Variants in THG1L observed in about 807,000 individuals in gnomAD.
The protein encoded by THG1L is tRNA-histidine guanylyltransferase 1 like, also known as probable tRNA(His) guanylyltransferase.
THG1L carries 27 observed loss-of-function variants against 35.2 expected under a neutral mutation model. That is an observed-to-expected ratio of 0.77 (90% CI 0.57 to 1.06). THG1L has a LOEUF of 1.06. THG1L is among the 50% of genes least tolerant of loss of function. The pLI, the probability that THG1L is intolerant of heterozygous loss-of-function variation, is 0.00. For missense variants in THG1L, 377 were observed against 371.8 expected (o/e 1.01, Z -0.12); for synonymous variants, 135 against 132.4 (o/e 1.02, Z -0.14).
chr5:157,734,837 T>G, intron 3 of THG1L, 92 bp downstream of exon 3: 1 of 1,409,844 alleles, frequency 7.1e-7, no homozygotes, highest in East Asian at 2.4e-5. Context: ...ACATATACTT[T>G]GTTTCAACAT....
intron 2 of THG1L, among the ~76,000 whole-genome samples, chr5:157,733,567 G>A (rs1198415998): frequency 1.3e-5 from 2 of 151,974 alleles, no homozygotes; most frequent in African/African-American, 4.8e-5. Flanking sequence ...CTGGCCTCAA[G>A]CAGTTCTCCT....
At chr5:157,731,654 G>A (rs774395379) in intron 1 of THG1L, 23 bp downstream of exon 1, 8 of 1,576,188 alleles carry the variant, frequency 5.1e-6, no homozygotes, top group Middle Eastern at 1.8e-4. Flanking sequence ...GACTCGGGGC[G>A]TCGCGATGCG....
At position 157,731,445 on chromosome 5, in the gene THG1L, G is replaced by A. The variant is rs371761718; in HGVS notation, c.5G>A (p.Trp2Ter). 12 of 1,593,888 alleles carry A rather than the reference G, an allele frequency of 7.5e-6. No homozygotes were observed. In the African/African-American group the frequency reaches 1.6e-4, roughly 21 times the overall value. M[W>*]GACKVKVHDS... ...CCTTTCCTTTCCGCGTGTAGAATGT[G>A]GGGCGCCTGTAAAGTTAAGGTTCAC... Residue 2 changes from tryptophan (W) to a stop codon, truncating the protein, a stop_gained, in exon 1 of 6, where the codon TGG becomes TAG. Transcript: ENST00000231198. LOFTEE classifies it high-confidence loss of function.
intron 4 of THG1L, among the ~76,000 whole-genome samples, chr5:157,736,986 T>C (rs1760906514): frequency 6.6e-6 from 1 of 152,038 alleles, no homozygotes; most frequent in Admixed American, 6.5e-5. Flanking sequence ...TTTTTTGAGA[T>C]GGGTTCTTGC....
At position 157,740,309 on chromosome 5, in the gene THG1L, C is replaced by G. The variant is rs6892723; in HGVS notation, c.*827C>G. 53,787 of 152,096 alleles carry G rather than the reference C, an allele frequency of 0.35. 9,667 individuals carry two copies. The highest frequency in any genetic ancestry group is 0.54 in the East Asian group (2,809 of 5,168). 9.4% of individuals were successfully genotyped at this position (152,096 alleles called of 1,614,324 possible). On this transcript the variant is annotated 3_prime_UTR_variant, in exon 6 of 6. Coordinates refer to ENST00000231198, the MANE Select transcript of THG1L (RefSeq NM_017872.5). Reference sequence around the variant, plus strand: ...CTTTCCTATTAGACTTCTTGAAAAACATTCTCACATAGCCTCTATGTAATC... The same window carrying G: ...CTTTCCTATTAGACTTCTTGAAAAAGATTCTCACATAGCCTCTATGTAATC...
intron 3 of THG1L, 141 bp downstream of exon 3, chr5:157,734,886 ATTAG>A (rs1760831426): frequency 3.2e-6 from 3 of 943,894 alleles, no homozygotes; most frequent in Admixed American, 6.8e-5. Context: ...TATTTTTTCA[ATTAG>A]TTAAAAGTAT....
Position 157,739,353 on chromosome 5 carries a change from G to A in THG1L, c.768G>A (p.Leu256=). Residue 256 remains leucine (L), a synonymous_variant, in exon 6 of 6, where the codon CTG becomes CTA. Transcript: ENST00000231198. The part of the protein sequence containing the change: ...VDEVMTKEIK[L]PTEMEGKKMA... ...AAGTGATGACAAAAGAAATTAAGCT[G>A]CCAACAGAAATGGAAGGAAAAAAGA... The A allele has an allele frequency of 1.2e-6, 2 of 1,612,972 alleles. No individual in the cohort carries two copies. The highest frequency in any genetic ancestry group is 2.2e-5 in the East Asian group (1 of 44,784).
chr5:157,731,454 G>C lies in THG1L; in HGVS notation c.14G>C (p.Cys5Ser), dbSNP rs1428491069. Residue 5 changes from cysteine (C) to serine (S), a missense_variant, in exon 1 of 6, where the codon TGT becomes TCT. Physicochemically the swap from Cys to Ser is moderately radical, Grantham distance 112. Coordinates refer to ENST00000231198, the MANE Select transcript of THG1L (RefSeq NM_017872.5). ...TCCGCGTGTAGAATGTGGGGCGCCT[G>C]TAAAGTTAAGGTTCACGATTCCTTG... MWGACKVKVHDSLAT... is the reference protein window; with the variant it reads MWGASKVKVHDSLAT... 4 of 1,601,252 alleles carry C rather than the reference G, an allele frequency of 2.5e-6. No individual in the cohort carries two copies. Among genetic ancestry groups the C allele is most frequent in the Admixed American group, 1.7e-5 (1 of 58,838 alleles).
Position 157,733,064 on chromosome 5 carries a change from C to T in THG1L, c.368+20C>T. 5 of 1,608,932 alleles carry T rather than the reference C, an allele frequency of 3.1e-6. No individual in the cohort carries two copies. In the South Asian group the frequency reaches 4.4e-5, roughly 14 times the overall value. ...AGCCAGGTAATTCCATGACCTAACTCCTTTCTTCAGAATATTTCCTCCCAG... is the reference window on the plus strand; with the variant it reads ...AGCCAGGTAATTCCATGACCTAACTTCTTTCTTCAGAATATTTCCTCCCAG... On this transcript the variant is annotated intron_variant, in intron 2 of 5. Transcript: ENST00000231198.
At position 157,739,538 on chromosome 5, in the gene THG1L, G is replaced by T; in HGVS notation, c.*56G>T. 6.4e-7 allele frequency: 1 copy of T among 1,557,338 alleles called. No individual in the cohort carries two copies. Among genetic ancestry groups the T allele is most frequent in the Non-Finnish European group, 8.7e-7 (1 of 1,150,876 alleles). ...ACCATGCAAGCCCTCCCACCTCCCA[G>T]GGCTCCTTGCCTTAGGTGGCTGTAG... On this transcript the variant is annotated 3_prime_UTR_variant, in exon 6 of 6. Coordinates refer to ENST00000231198, the MANE Select transcript of THG1L (RefSeq NM_017872.5).
chr5:157,736,105 G>A (rs1760882021), intron 4 of THG1L, among the ~76,000 whole-genome samples, 171 bp downstream of exon 4: 1 of 152,160 alleles, frequency 6.6e-6, no homozygotes, highest in African/African-American at 2.4e-5. Context: ...TGCTTGGTCT[G>A]TAATCCTGGA....
At position 157,732,997 on chromosome 5, in the gene THG1L, C is replaced by T. The variant is rs1172028031; in HGVS notation, c.321C>T (p.Tyr107=). 2 of 1,614,064 alleles carry T rather than the reference C, an allele frequency of 1.2e-6. No homozygotes were observed. Among genetic ancestry groups the T allele is most frequent in the South Asian group, 2.2e-5 (2 of 91,080 alleles). The change falls in exon 2 of 6, where the codon TAC becomes TAT. Residue 107 remains tyrosine (Y), a synonymous_variant. Transcript: ENST00000231198. ...IVIAYGQSDE[Y]SFVFKRKTNW... ...TCGCGTATGGACAGAGTGATGAGTA[C>T]AGCTTTGTGTTCAAGCGGAAAACCA...
chr5:157,741,337 C>G lies in THG1L; in HGVS notation c.*1855C>G, dbSNP rs761530813. On this transcript the variant is annotated 3_prime_UTR_variant, in exon 6 of 6. Transcript: ENST00000231198. The stretch of plus-strand genomic sequence containing the variant: ...CCTCACTAATTGACAACCCATCTGT[C>G]GATGCCATTTTTTCCCTTCCTGTTC... The G allele has an allele frequency of 6.6e-6, 1 of 152,146 alleles. No homozygotes were observed. The highest frequency in any genetic ancestry group is 2.4e-5 in the African/African-American group (1 of 41,438). The allele number at this position is 152,146 out of a possible 1,614,324, so 9.4% of individuals were successfully genotyped here. A position where few individuals can be genotyped will look rare whatever the true frequency, so the allele number is the denominator to read the frequency against.
chr5:157,735,711 G>T, intron 3 of THG1L, 135 bp from the exon 4 acceptor site: 1 of 608,720 alleles, frequency 1.6e-6, no homozygotes. Context: ...GTAGGACTTC[G>T]GTCAAGTCAC....
rs539562605 is a variant in THG1L, at chr5:157,739,707, G to T, written c.*225G>T. On this transcript the variant is annotated 3_prime_UTR_variant, in exon 6 of 6. Transcript: ENST00000231198. ...TGCGGTGTTGGAACATGGTTCCTTT[G>T]GCAGAAGTGCTTTTTTTTTAATCGC... 63 of 398,912 alleles carry T rather than the reference G, an allele frequency of 1.6e-4. No individual in the cohort carries two copies. The East Asian group carries it at 2.4e-3, about 15-fold the overall frequency. 24.7% of individuals were successfully genotyped at this position (398,912 alleles called of 1,614,324 possible).
chr5:157,736,222 CTG>C (rs1283619959), intron 4 of THG1L, among the ~76,000 whole-genome samples: 2 of 151,194 alleles, frequency 1.3e-5, no homozygotes, highest in African/African-American at 2.4e-5. Context: ...CCGTGTATGA[CTG>C]TGTATGACTG....
chr5:157,735,351 AC>A (rs1270518309), intron 3 of THG1L, among the ~76,000 whole-genome samples: 1 of 152,158 alleles, frequency 6.6e-6, no homozygotes, highest in Non-Finnish European at 1.5e-5. Context: ...ACACACACAC[AC>A]AAATGCCAGT....
chr5:157,734,959 CAG>C (rs1760833346), intron 3 of THG1L, among the ~76,000 whole-genome samples: 1 of 146,786 alleles, frequency 6.8e-6, no homozygotes, highest in East Asian at 2.0e-4. Context: ...TTTTTTAAGA[CAG>C]AGTTTCGCTC....
intron 5 of THG1L, among the ~76,000 whole-genome samples, chr5:157,738,239 G>A (rs533646259): frequency 2.6e-5 from 4 of 152,288 alleles, no homozygotes; most frequent in South Asian, 4.1e-4. Context: ...TTTCTGTGTT[G>A]TAAGCTGTCC....
Sources: gnomAD v4.1 joint callset for allele counts (sites outside exome capture counted in the v4.1 genomes callset) on GRCh38, gnomAD v4.1.1 for gene constraint, MANE v1.5 for transcripts, NCBI Gene and HGNC (gene_info 2026-07-23, HGNC 2026-07-21) for gene names.